ME2: variants seen among roughly 807,000 people sequenced by gnomAD.
ME2 encodes the protein malic enzyme 2.
Under a neutral mutation model 73.7 loss-of-function variants are expected in ME2, and 60 were observed. The ratio of observed to expected loss-of-function variants is 0.81; its 90% CI spans 0.66 to 1.01. ME2 has a LOEUF of 1.01. ME2 is among the 50% of genes least tolerant of loss of function. The probability of loss-of-function intolerance (pLI) is 0.00; values close to 1 mark genes in which losing one functional copy is unlikely to be tolerated. For synonymous variants in ME2, 199 were observed against 236.9 expected (o/e 0.84, Z 1.47); for missense variants, 594 against 705.5 (o/e 0.84, Z 1.79).
rs191841367 is a variant in ME2, at chr18:50,902,809, A to G, written c.109-5254A>G. Among the ~76,000 whole-genome samples, 873 of 152,332 alleles carry G rather than the reference A, an allele frequency of 5.7e-3. 7 individuals are homozygous for G. The highest frequency in any genetic ancestry group is 0.02 in the African/African-American group (844 of 41,566). ...CCACTGGGAAAAGTATACTATAAAT[A>G]TATCTCTAAAATGTTTGATAAGCTG... On this transcript the variant is annotated intron_variant, in intron 2 of 15. Coordinates refer to ENST00000321341, the MANE Select transcript of ME2 (RefSeq NM_002396.5).
At chr18:50,927,149 A>G (rs1320563276) in intron 12 of ME2, among the ~76,000 whole-genome samples, 2 of 152,170 alleles carry the variant, frequency 1.3e-5, no homozygotes, top group African/African-American at 2.4e-5. Context: ...TTTTTTTCCT[A>G]CCATTCTGTA....
At chr18:50,911,993 AT>A (rs1366778354) in intron 3 of ME2, among the ~76,000 whole-genome samples, 1 of 152,146 alleles carries the variant, frequency 6.6e-6, no homozygotes. Context: ...GAGGGAGCTA[AT>A]GGATATATTT....
chr18:50,907,840 C>T (rs1299808882), intron 2 of ME2, among the ~76,000 whole-genome samples: 1 of 152,158 alleles, frequency 6.6e-6, no homozygotes, highest in Non-Finnish European at 1.5e-5. Context: ...AAACTGTCTT[C>T]CAAAGGCCTA....
At chr18:50,934,799 T>G (rs1326897195) in intron 13 of ME2, 4 of 152,222 alleles carry the variant, frequency 2.6e-5, no homozygotes, top group Non-Finnish European at 5.9e-5. Context: ...GATGAAAATT[T>G]TTTTTAAGAC....
intron 12 of ME2, among the ~76,000 whole-genome samples, chr18:50,927,738 A>ATATATG (rs1568171826): frequency 7.4e-6 from 1 of 135,714 alleles, no homozygotes; most frequent in South Asian, 2.3e-4. Context: ...ATATATATAT[A>ATATATG]TATATATATA....
chr18:50,900,499 G>GTCGCGATCTGCTGACC (rs1351006882), intron 2 of ME2, among the ~76,000 whole-genome samples: 8 of 151,536 alleles, frequency 5.3e-5, no homozygotes, highest in African/African-American at 1.9e-4. Flanking sequence ...TTTCACTGTG[G>GTCGCGATCTGCTGACC]TCGCGATCTG....
At chr18:50,929,420 C>T (rs1024448988) in intron 12 of ME2, among the ~76,000 whole-genome samples, 4 of 147,498 alleles carry the variant, frequency 2.7e-5, no homozygotes, top group African/African-American at 1.0e-4. Flanking sequence ...ACCCAGGAGG[C>T]AGAGGCTGTG....
intron 2 of ME2, among the ~76,000 whole-genome samples, chr18:50,903,887 A>G (rs1568163368): frequency 6.6e-6 from 1 of 152,188 alleles, no homozygotes. Flanking sequence ...CCAGCCTTCA[A>G]TAAAATCATA....
intron 4 of ME2, 64 bp from the exon 5 acceptor site, chr18:50,916,104 T>C (rs1599106984): frequency 1.8e-6 from 2 of 1,113,970 alleles, no homozygotes; most frequent in East Asian, 4.8e-5. Flanking sequence ...AATATTTCAA[T>C]TATGAACAAA....
At chr18:50,884,924 G>A (rs578188867) in intron 1 of ME2, among the ~76,000 whole-genome samples, 11 of 151,640 alleles carry the variant, frequency 7.3e-5, no homozygotes, top group African/African-American at 1.7e-4. Flanking sequence ...GTGCAATCTC[G>A]GCTCACTGCA....
intron 4 of ME2, chr18:50,913,361 C>G (rs369989899): frequency 1.9e-5 from 3 of 158,138 alleles, no homozygotes; most frequent in African/African-American, 7.2e-5. Flanking sequence ...CAGAGTCTCA[C>G]TTTGTCACCC....
chr18:50,888,218 G>A, intron 1 of ME2, among the ~76,000 whole-genome samples: 1 of 152,064 alleles, frequency 6.6e-6, no homozygotes, highest in Non-Finnish European at 1.5e-5. Context: ...GATGGCACAT[G>A]CCTGTCATCC....
In ME2 at chr18:50,954,072, G is replaced by T. The variant is rs1221110418; in HGVS notation, c.*6888G>T. The T allele has an allele frequency of 6.6e-6, 1 of 152,174 alleles. No individual in the cohort carries two copies. Among genetic ancestry groups the T allele is most frequent in the African/African-American group, 2.4e-5 (1 of 41,436 alleles). 9.4% of individuals were successfully genotyped at this position (152,174 alleles called of 1,614,324 possible). A position where few individuals can be genotyped will look rare whatever the true frequency, so the allele number is the denominator to read the frequency against. On this transcript the variant is annotated 3_prime_UTR_variant, in exon 16 of 16. Transcript: ENST00000321341. ...GGGTAGTCTTGTAGTAATTGCTTAT[G>T]GGAATGCTAGTTTAAGAGGAATGCC...
chr18:50,900,977 A>G (rs185787803), intron 2 of ME2, among the ~76,000 whole-genome samples: 15 of 151,112 alleles, frequency 9.9e-5, no homozygotes, highest in Admixed American at 6.7e-4. Context: ...GGCTAATACA[A>G]TGAGTATATT....
intron 15 of ME2, among the ~76,000 whole-genome samples, chr18:50,941,179 T>A (rs1296271318): frequency 6.8e-6 from 1 of 146,724 alleles, no homozygotes; most frequent in African/African-American, 2.5e-5. Context: ...GAGAATCACT[T>A]GAACCTGGGA....
chr18:50,927,323 T>C (rs1054985339), intron 12 of ME2, among the ~76,000 whole-genome samples: 1 of 152,176 alleles, frequency 6.6e-6, no homozygotes, highest in Non-Finnish European at 1.5e-5. Flanking sequence ...TACATTTTTT[T>C]AATCTTCACT....
Position 50,895,789 on chromosome 18 carries a change from A to C in ME2, c.-12-20A>C. The C allele has an allele frequency of 6.6e-7, 1 of 1,507,046 alleles. No individual in the cohort carries two copies. 93.4% of individuals were successfully genotyped at this position (1,507,046 alleles called of 1,614,324 possible). A position where few individuals can be genotyped will look rare whatever the true frequency, so the allele number is the denominator to read the frequency against. On this transcript the variant is annotated intron_variant, in intron 1 of 15. Transcript: ENST00000321341. ...ATAATATGATTCTCTTCAGTGGTTT[A>C]TTTGCTTTGTTTTTCTCAGGTGAAA...
At chr18:50,945,956 A>C (rs1251316619) in intron 15 of ME2, among the ~76,000 whole-genome samples, 3 of 152,094 alleles carry the variant, frequency 2.0e-5, no homozygotes, top group African/African-American at 7.2e-5. Flanking sequence ...AGTCCCAGCT[A>C]CTGGGGAGGC....
chr18:50,879,884 T>G (rs1020741527), intron 1 of ME2, among the ~76,000 whole-genome samples: 2 of 152,244 alleles, frequency 1.3e-5, no homozygotes, highest in African/African-American at 2.4e-5. Flanking sequence ...ACGCTGGCGA[T>G]AACTATCTCT....
Sources: gnomAD v4.1 joint callset for allele counts (sites outside exome capture counted in the v4.1 genomes callset) on GRCh38, gnomAD v4.1.1 for gene constraint, MANE v1.5 for transcripts, NCBI Gene and HGNC (gene_info 2026-07-23, HGNC 2026-07-21) for gene names.